The following CCDC102B variants were observed in gnomAD, a reference collection of about 807,000 sequenced individuals.
The protein encoded by CCDC102B is coiled-coil domain-containing protein 102B.
Under a neutral mutation model 57.4 loss-of-function variants are expected in CCDC102B, and 75 were observed. That is an observed-to-expected ratio of 1.31 (90% CI 1.08 to 1.58). The LOEUF (loss-of-function observed/expected upper bound fraction) is 1.58. Ranked by LOEUF, CCDC102B falls within the 40% of genes most tolerant of loss-of-function variation. The pLI, the probability that CCDC102B is intolerant of heterozygous loss-of-function variation, is 0.00. For missense variants in CCDC102B, 636 were observed against 582.6 expected (o/e 1.09, Z -0.94); for synonymous variants, 206 against 201.9 (o/e 1.02, Z -0.17).
intron 4 of CCDC102B, among the ~76,000 whole-genome samples, chr18:68,857,106 TATATA>T: frequency 1.6e-5 from 1 of 63,530 alleles, no homozygotes; most frequent in African/African-American, 6.6e-5. Flanking sequence ...TTTTATATAT[TATATA>T]TAAATATATT....
chr18:68,982,783 A>C lies in CCDC102B; in HGVS notation c.1264-28151A>C, dbSNP rs1424324597. 2.0e-5 allele frequency among the ~76,000 whole-genome samples: 3 copies of C among 151,946 alleles called. No individual in the cohort carries two copies. In the East Asian group the frequency reaches 5.8e-4, roughly 29 times the overall value. ...TCCAGGCTATAATCCCCTTCTATAA[A>C]AATTAAACAGTGTCTCATAGTAGTG... is the stretch of plus-strand genomic sequence containing the variant. On this transcript the variant is annotated intron_variant, in intron 6 of 7. Coordinates refer to ENST00000360242, the MANE Select transcript of CCDC102B (RefSeq NM_024781.3).
At chr18:68,885,457 G>A (rs566943702) in intron 5 of CCDC102B, among the ~76,000 whole-genome samples, 16 of 152,056 alleles carry the variant, frequency 1.1e-4, no homozygotes, top group Admixed American at 2.6e-4. Context: ...ATTAAAGTTC[G>A]TAACACTGGA....
chr18:68,769,250 C>T (rs963975180), intron 2 of CCDC102B, among the ~76,000 whole-genome samples: 22 of 148,078 alleles, frequency 1.5e-4, no homozygotes, highest in African/African-American at 5.5e-4. Context: ...TGAAACTCCA[C>T]CTCGAAAAAA....
intron 2 of CCDC102B, among the ~76,000 whole-genome samples, chr18:68,783,807 T>C (rs1178082449): frequency 2.0e-5 from 3 of 152,254 alleles, no homozygotes; most frequent in African/African-American, 4.8e-5. Context: ...AATACTTTTA[T>C]GTTATGGGAA....
rs150811918 is a variant in CCDC102B, at chr18:68,739,040, G to C, written c.-67+22446G>C. On this transcript the variant is annotated intron_variant, in intron 2 of 3. Coordinates refer to the CCDC102B transcript ENST00000578970. The stretch of plus-strand genomic sequence containing the variant: ...ACCAGGTCTTGCTGTCACCCAGGCT[G>C]GAGTAGTACAGTGGTGCAATTTCAC... Among the ~76,000 whole-genome samples, 349 of 145,938 alleles carry C rather than the reference G, an allele frequency of 2.4e-3. 4 individuals carry two copies. The highest frequency in any genetic ancestry group is 8.5e-3 in the African/African-American group (325 of 38,374).
intron 6 of CCDC102B, among the ~76,000 whole-genome samples, chr18:68,999,865 A>G (rs1015515243): frequency 4.6e-5 from 7 of 152,192 alleles, no homozygotes; most frequent in African/African-American, 1.7e-4. Context: ...TATCACTAGA[A>G]TCAAATAGTG....
intron 2 of CCDC102B, among the ~76,000 whole-genome samples, chr18:68,837,788 G>T (rs2037448726): frequency 6.6e-6 from 1 of 152,094 alleles, no homozygotes; most frequent in South Asian, 2.1e-4. Flanking sequence ...GGTACTGGGG[G>T]TTAGGAGACC....
intron 1 of CCDC102B, among the ~76,000 whole-genome samples, chr18:68,810,432 C>T (rs575531406): frequency 6.6e-6 from 1 of 152,128 alleles, no homozygotes; most frequent in East Asian, 1.9e-4. Context: ...ACAACAATAA[C>T]CCAATGTATT....
chr18:69,011,682 T>C (rs1267583823), intron 7 of CCDC102B, among the ~76,000 whole-genome samples: 1 of 151,988 alleles, frequency 6.6e-6, no homozygotes, highest in East Asian at 1.9e-4. Context: ...TTTTTGTTTT[T>C]TGTTTTTTTT....
chr18:68,837,317 G>C lies in CCDC102B; in HGVS notation c.554G>C (p.Arg185Thr), dbSNP rs1365952570. ...AGTTCACAAATGCATGAGTCTATCA[G>C]AGAGTATTTGGTAAAAAGACAATTT... Reference protein sequence around the residue: ...QLSSQMHESIREYLVKRQFST... With the variant: ...QLSSQMHESITEYLVKRQFST... Residue 185 changes from arginine (R) to threonine (T), a missense_variant, in exon 2 of 8, where the codon AGA (arginine) becomes ACA (threonine). Transcript: ENST00000360242. 1.2e-6 allele frequency: 2 copies of C among 1,612,892 alleles called. No individual in the cohort carries two copies. Among genetic ancestry groups the C allele is most frequent in the Non-Finnish European group, 1.7e-6 (2 of 1,179,572 alleles).
At chr18:68,735,144 C>T (rs1370476684) in intron 2 of CCDC102B, among the ~76,000 whole-genome samples, 1 of 152,128 alleles carries the variant, frequency 6.6e-6, no homozygotes, top group Non-Finnish European at 1.5e-5. Flanking sequence ...CTCTGCCTCC[C>T]GGGTTCAAGT....
intron 6 of CCDC102B, among the ~76,000 whole-genome samples, chr18:68,963,602 T>C (rs1248662422): frequency 6.6e-6 from 1 of 151,866 alleles, no homozygotes; most frequent in Non-Finnish European, 1.5e-5. Context: ...TTCTTCACTG[T>C]TTTCTATATT....
intron 2 of CCDC102B, among the ~76,000 whole-genome samples, chr18:68,760,440 A>T (rs983334149): frequency 6.6e-6 from 1 of 152,086 alleles, no homozygotes; most frequent in African/African-American, 2.4e-5. Context: ...ACATTGTATT[A>T]CTTTATTTCA....
intron 7 of CCDC102B, among the ~76,000 whole-genome samples, chr18:69,013,542 C>A (rs1358139996): frequency 6.6e-6 from 1 of 151,972 alleles, no homozygotes; most frequent in Non-Finnish European, 1.5e-5. Context: ...AAAAGAAATA[C>A]CTTTGTAAAA....
chr18:68,982,725 T>G (rs921817770), intron 6 of CCDC102B, among the ~76,000 whole-genome samples: 7 of 151,960 alleles, frequency 4.6e-5, no homozygotes, highest in Non-Finnish European at 1.0e-4. Flanking sequence ...CTTTCCTCAT[T>G]GTATTTTATT....
intron 2 of CCDC102B, among the ~76,000 whole-genome samples, chr18:68,732,883 G>A (rs964245406): frequency 3.3e-5 from 5 of 152,158 alleles, no homozygotes; most frequent in South Asian, 2.1e-4. Context: ...AACATCCATC[G>A]CACAAGTGTG....
intron 6 of CCDC102B, among the ~76,000 whole-genome samples, chr18:68,902,570 A>G (rs1022099756): frequency 1.3e-5 from 2 of 152,190 alleles, no homozygotes; most frequent in Non-Finnish European, 2.9e-5. Flanking sequence ...TCATCTAACC[A>G]GTACCTATCT....
intron 2 of CCDC102B, among the ~76,000 whole-genome samples, chr18:68,759,511 C>T (rs1014336708): frequency 6.6e-6 from 1 of 152,012 alleles, no homozygotes; most frequent in Non-Finnish European, 1.5e-5. Flanking sequence ...GATTAAGAAT[C>T]ACATCAGACT....
intron 6 of CCDC102B, among the ~76,000 whole-genome samples, chr18:68,899,034 C>A (rs1276002049): frequency 6.6e-6 from 1 of 151,912 alleles, no homozygotes; most frequent in Non-Finnish European, 1.5e-5. Flanking sequence ...CTGAGAGGAT[C>A]CTCAAAGGTC....
Sources: allele counts gnomAD v4.1 joint callset (sites outside exome capture counted in the v4.1 genomes callset), GRCh38; gene constraint gnomAD v4.1.1; transcripts MANE v1.5; gene names NCBI Gene and HGNC (gene_info 2026-07-23, HGNC 2026-07-21).